PPARGC1A: variants seen among roughly 807,000 people sequenced by gnomAD.
PPARGC1A encodes peroxisome proliferator-activated receptor gamma coactivator 1-alpha.
Under a neutral mutation model 88.7 loss-of-function variants are expected in PPARGC1A, and 25 were observed. That is an observed-to-expected ratio of 0.28 (90% CI 0.21 to 0.39). The LOEUF is 0.39. Ranked by LOEUF, PPARGC1A falls within the 10% of genes least tolerant of loss-of-function variation. The probability of loss-of-function intolerance (pLI) is 1.00; values close to 1 mark genes in which losing one functional copy is unlikely to be tolerated. For synonymous variants in PPARGC1A, 363 were observed against 355.6 expected (o/e 1.02, Z -0.24); for missense variants, 880 against 968.7 (o/e 0.91, Z 1.22).
At chr4:23,812,313 A>G (rs1330556235) in intron 10 of PPARGC1A, among the ~76,000 whole-genome samples, 1 of 152,066 alleles carries the variant, frequency 6.6e-6, no homozygotes, top group Non-Finnish European at 1.5e-5. Context: ...CAGTCTCTTC[A>G]TGGACAATTT....
chr4:24,049,348 ATG>A, the PPARGC1A span, among the ~76,000 whole-genome samples: 1 of 146,730 alleles, frequency 6.8e-6, no homozygotes, highest in East Asian at 2.0e-4. Flanking sequence ...ATATATATAT[ATG>A]AATAATCAGG....
chr4:24,372,972 C>G, the PPARGC1A span, among the ~76,000 whole-genome samples: 3 of 152,192 alleles, frequency 2.0e-5, no homozygotes, highest in African/African-American at 7.2e-5. Flanking sequence ...CTAAGCAGAT[C>G]AACACCAGCC....
At chr4:24,186,674 G>A in the PPARGC1A span, among the ~76,000 whole-genome samples, 7 of 152,038 alleles carry the variant, frequency 4.6e-5, no homozygotes, top group Non-Finnish European at 7.4e-5. Context: ...TCCAAAGATC[G>A]GTTTTTGAGT....
the PPARGC1A span, among the ~76,000 whole-genome samples, chr4:24,415,014 A>G: frequency 2.0e-5 from 3 of 152,054 alleles, no homozygotes; most frequent in Non-Finnish European, 4.4e-5. Flanking sequence ...ATATGGTGAA[A>G]CCCCGTCTCT....
At chr4:23,801,680 T>C (rs765031790) in intron 12 of PPARGC1A, 50 bp downstream of exon 12, 3 of 1,599,092 alleles carry the variant, frequency 1.9e-6, no homozygotes, top group East Asian at 2.2e-5. Flanking sequence ...TGTTCCCATC[T>C]TGAGCTCTAC....
At chr4:24,144,291 G>C in the PPARGC1A span, among the ~76,000 whole-genome samples, 32 of 152,174 alleles carry the variant, frequency 2.1e-4, no homozygotes, top group Non-Finnish European at 3.1e-4. Flanking sequence ...GTGCCAATGT[G>C]TAGGATTTAC....
chr4:23,861,465 T>C (rs1731214592), intron 2 of PPARGC1A, among the ~76,000 whole-genome samples: 3 of 152,184 alleles, frequency 2.0e-5, no homozygotes, highest in Admixed American at 2.0e-4. Context: ...AGCTACTGAG[T>C]ACCTTTTATG....
In PPARGC1A at chr4:23,824,449, T is replaced by G. The variant is rs781333992; in HGVS notation, c.803+14A>C. On this transcript the variant is annotated intron_variant, in intron 6 of 12. Transcript: ENST00000264867. ...CTTCCCTTTCAGAAAATGGTTACATTTCTTAATACTTACTTTGGTGACTCT... is the reference window on the plus strand; with the variant it reads ...CTTCCCTTTCAGAAAATGGTTACATGTCTTAATACTTACTTTGGTGACTCT... 5 of 1,609,770 alleles carry G rather than the reference T, an allele frequency of 3.1e-6. No homozygotes were observed. Among genetic ancestry groups the G allele is most frequent in the Non-Finnish European group, 4.3e-6 (5 of 1,176,216 alleles).
the PPARGC1A span, among the ~76,000 whole-genome samples, chr4:24,194,607 C>T: frequency 1.3e-4 from 10 of 78,156 alleles, no homozygotes; most frequent in Non-Finnish European, 2.6e-4. Context: ...AGTGGGCTGG[C>T]ACACACGCGC....
the PPARGC1A span, among the ~76,000 whole-genome samples, chr4:24,158,037 C>G: frequency 6.6e-6 from 1 of 152,060 alleles, no homozygotes; most frequent in South Asian, 2.1e-4. Flanking sequence ...GATCTAGCCC[C>G]TGCCCACCTC....
At chr4:24,428,525 A>G in the PPARGC1A span, among the ~76,000 whole-genome samples, 5 of 152,222 alleles carry the variant, frequency 3.3e-5, no homozygotes, top group Admixed American at 2.6e-4. Flanking sequence ...GAGCAAAACA[A>G]AAGTTCACAA....
chr4:24,306,161 A>C, the PPARGC1A span, among the ~76,000 whole-genome samples: 2 of 152,204 alleles, frequency 1.3e-5, no homozygotes, highest in Admixed American at 1.3e-4. Flanking sequence ...GGTCCCAAGA[A>C]GACGAGAGAC....
the PPARGC1A span, among the ~76,000 whole-genome samples, chr4:24,062,626 C>T: frequency 1.3e-5 from 2 of 152,144 alleles, no homozygotes; most frequent in African/African-American, 4.8e-5. Flanking sequence ...ACTCTGTATC[C>T]CTGGTGCCAC....
the PPARGC1A span, among the ~76,000 whole-genome samples, chr4:23,949,431 A>G: frequency 6.6e-6 from 1 of 152,176 alleles, no homozygotes; most frequent in African/African-American, 2.4e-5. Context: ...GCCAGCTTTC[A>G]GCAACATCCC....
At chr4:24,321,383 T>C in the PPARGC1A span, among the ~76,000 whole-genome samples, 2 of 152,184 alleles carry the variant, frequency 1.3e-5, no homozygotes, top group South Asian at 2.1e-4. Flanking sequence ...ATGATGAAGC[T>C]GGCAGTCTCT....
chr4:23,940,923 T>G, the PPARGC1A span, among the ~76,000 whole-genome samples: 1 of 152,192 alleles, frequency 6.6e-6, no homozygotes, highest in Middle Eastern at 3.2e-3. Flanking sequence ...ACCCCAAATG[T>G]AAGAAGTATC....
intron 12 of PPARGC1A, among the ~76,000 whole-genome samples, chr4:23,799,197 T>C (rs1243163908): frequency 6.6e-6 from 1 of 152,184 alleles, no homozygotes; most frequent in East Asian, 1.9e-4. Flanking sequence ...ATATTTGAAT[T>C]CTTCAGGGAA....
chr4:24,048,594 C>G, the PPARGC1A span, among the ~76,000 whole-genome samples: 1 of 152,132 alleles, frequency 6.6e-6, no homozygotes. Context: ...AGGCTTCAGA[C>G]AGGATTCAAG....
At chr4:24,329,588 G>A in the PPARGC1A span, among the ~76,000 whole-genome samples, 16 of 152,094 alleles carry the variant, frequency 1.1e-4, no homozygotes, top group African/African-American at 3.6e-4. Context: ...CTTGTTCCAG[G>A]TTGAATGTCA....
Sources: allele counts gnomAD v4.1 joint callset (sites outside exome capture counted in the v4.1 genomes callset), GRCh38; gene constraint gnomAD v4.1.1; transcripts MANE v1.5; gene names NCBI Gene and HGNC (gene_info 2026-07-23, HGNC 2026-07-21).